The following SLFN12L variants were observed in gnomAD, a reference collection of about 807,000 sequenced individuals.
The protein encoded by SLFN12L is schlafen family member 12 like.
A neutral mutation model predicts 34.8 loss-of-function variants in SLFN12L; 34 were observed. The observed-to-expected ratio is 0.98, with a 90% CI of 0.74 to 1.30. The LOEUF is 1.30. Ranked by LOEUF, SLFN12L falls within the 50% of genes most tolerant of loss-of-function variation. SLFN12L has a pLI of 0.00. For synonymous variants in SLFN12L, 259 were observed against 247.5 expected (o/e 1.05, Z -0.44); for missense variants, 703 against 696.2 (o/e 1.01, Z -0.11).
At chr17:35,515,787 G>A (rs1234216104) in intron 2 of SLFN12L, among the ~76,000 whole-genome samples, 1 of 151,680 alleles carries the variant, frequency 6.6e-6, no homozygotes, top group Admixed American at 6.6e-5. Flanking sequence ...GGGATTACAG[G>A]AGCCCACCAC....
chr17:35,524,925 T>C (rs921866377), intron 1 of SLFN12L, among the ~76,000 whole-genome samples: 4 of 152,068 alleles, frequency 2.6e-5, no homozygotes, highest in Admixed American at 6.6e-5. Flanking sequence ...TAAAGGAGCA[T>C]GTTTTAACCC....
Position 35,478,116 on chromosome 17 carries a change from T to C in SLFN12L, c.1235A>G (p.Tyr412Cys). 6.5e-7 allele frequency: 1 copy of C among 1,545,470 alleles called. No homozygotes were observed. The highest frequency in any genetic ancestry group is 8.8e-7 in the Non-Finnish European group (1 of 1,141,948). The change falls in exon 4 of 5, where the codon TAT (tyrosine) becomes TGT (cysteine). Residue 412 changes from tyrosine to cysteine, a missense_variant. Tyr to Cys is a radical substitution (Grantham distance 194, BLOSUM62 -2). Transcript: ENST00000628453. ...CAGTGGCTGAATTTTGAAGTTAATA[T>C]ATTCACGAAGAGGATAACTCTGGGA... is the stretch of plus-strand genomic sequence containing the variant. The part of the protein sequence containing the change: ...PVSQSYPLRE[Y>C]INFKIQPLRY...
Position 35,522,589 on chromosome 17 carries a change from G to A in SLFN12L, c.-225C>T. On this transcript the variant is annotated 5_prime_UTR_variant, in exon 2 of 5. Transcript: ENST00000628453. Reference sequence around the variant, plus strand: ...GTGCTGGGTGCCTGCAAAACTATAGGACGCAGGGTAATCCATCGGAGACAC... The same window carrying A: ...GTGCTGGGTGCCTGCAAAACTATAGAACGCAGGGTAATCCATCGGAGACAC... The A allele has an allele frequency of 6.2e-7, 1 of 1,608,840 alleles. No homozygotes were observed. The highest frequency in any genetic ancestry group is 8.5e-7 in the Non-Finnish European group (1 of 1,177,674).
At chr17:35,507,871 A>C (rs753362657) in intron 2 of SLFN12L, among the ~76,000 whole-genome samples, 8 of 152,128 alleles carry the variant, frequency 5.3e-5, no homozygotes, top group Non-Finnish European at 8.8e-5. Flanking sequence ...GAAAGTGAGA[A>C]CTCCCACTAA....
chr17:35,519,105 A>G (rs577081878), intron 2 of SLFN12L, among the ~76,000 whole-genome samples: 1 of 152,280 alleles, frequency 6.6e-6, no homozygotes, highest in Non-Finnish European at 1.5e-5. Context: ...ACCAAACACC[A>G]CATGTTCTCA....
At chr17:35,531,883 C>T (rs1158876724) in intron 1 of SLFN12L, among the ~76,000 whole-genome samples, 4 of 152,042 alleles carry the variant, frequency 2.6e-5, no homozygotes, top group African/African-American at 9.7e-5. Flanking sequence ...GATCCACCCA[C>T]CTCGGCCTCC....
At chr17:35,493,528 A>G (rs1472024080) in intron 2 of SLFN12L, among the ~76,000 whole-genome samples, 1 of 152,198 alleles carries the variant, frequency 6.6e-6, no homozygotes, top group Non-Finnish European at 1.5e-5. Context: ...TGAAAGGAAT[A>G]CTAATAAGTC....
chr17:35,474,862 C>T lies in SLFN12L; in HGVS notation c.*61G>A, dbSNP rs906830942. The T allele has an allele frequency of 2.1e-6, 3 of 1,452,516 alleles. No individual in the cohort carries two copies. The highest frequency in any genetic ancestry group is 1.4e-5 in the African/African-American group (1 of 70,156). 90.0% of individuals were successfully genotyped at this position (1,452,516 alleles called of 1,614,324 possible). A position where few individuals can be genotyped will look rare whatever the true frequency, so the allele number is the denominator to read the frequency against. ...CAGGGAATTGCTTGAACCCAGGAGG[C>T]AGAGGTTGCAGTGAGTCGAGATCGT... is the stretch of plus-strand genomic sequence containing the variant. On this transcript the variant is annotated 3_prime_UTR_variant, in exon 5 of 5. Coordinates refer to ENST00000628453, the MANE Select transcript of SLFN12L (RefSeq NM_001363830.2).
chr17:35,490,130 C>T, intron 2 of SLFN12L: 1 of 1,606,120 alleles, frequency 6.2e-7, no homozygotes, highest in Non-Finnish European at 8.5e-7. Flanking sequence ...CGGCAACCTC[C>T]TCTACACCAC....
At chr17:35,534,317 G>A (rs910852629) in intron 1 of SLFN12L, among the ~76,000 whole-genome samples, 2 of 151,832 alleles carry the variant, frequency 1.3e-5, no homozygotes, top group African/African-American at 2.4e-5. Flanking sequence ...AGCTGAGATC[G>A]TCCCACTGCA....
At chr17:35,494,589 A>T (rs1336074059) in intron 2 of SLFN12L, among the ~76,000 whole-genome samples, 3 of 152,238 alleles carry the variant, frequency 2.0e-5, no homozygotes, top group African/African-American at 7.2e-5. Context: ...CTGAAAAACA[A>T]TAAATCTCTA....
chr17:35,483,630 A>G (rs764165837), intron 2 of SLFN12L, among the ~76,000 whole-genome samples: 24 of 152,192 alleles, frequency 1.6e-4, no homozygotes, highest in Non-Finnish European at 1.5e-4. Flanking sequence ...ACAGACTAAG[A>G]CAGTGTGCTT....
chr17:35,493,826 T>C (rs1231295536), intron 2 of SLFN12L, among the ~76,000 whole-genome samples: 1 of 152,268 alleles, frequency 6.6e-6, no homozygotes, highest in Non-Finnish European at 1.5e-5. Flanking sequence ...GCAATTAATT[T>C]GTAAACACTA....
intron 2 of SLFN12L, among the ~76,000 whole-genome samples, chr17:35,516,025 C>T (rs147618120): frequency 2.4e-4 from 36 of 151,794 alleles, no homozygotes; most frequent in African/African-American, 8.4e-4. Context: ...TTCTTAGAGA[C>T]CCCCTCTACT....
intron 2 of SLFN12L, among the ~76,000 whole-genome samples, chr17:35,510,978 T>G (rs998091662): frequency 6.6e-6 from 1 of 152,172 alleles, no homozygotes; most frequent in African/African-American, 2.4e-5. Flanking sequence ...CTCAAACTGT[T>G]GAGAGAGAGA....
In SLFN12L at chr17:35,479,333, G is replaced by A. The variant is rs1232097405; in HGVS notation, c.949C>T (p.His317Tyr). Reference sequence around the variant, plus strand: ...ATCGTCCCCTTCTCCACACAGAAGTGATGCACAGGCAGTTTCCCAATGGAA... The same window carrying A: ...ATCGTCCCCTTCTCCACACAGAAGTAATGCACAGGCAGTTTCCCAATGGAA... Reference protein sequence around the residue: ...KNSIGKLPVHHFCVEKGTINY... With the variant: ...KNSIGKLPVHYFCVEKGTINY... Residue 317 changes from histidine to tyrosine, a missense_variant, in exon 3 of 5, where the codon CAC becomes TAC. His to Tyr is a moderately conservative substitution (Grantham distance 83). Coordinates refer to ENST00000628453, the MANE Select transcript of SLFN12L (RefSeq NM_001363830.2). 6.3e-7 allele frequency: 1 copy of A among 1,588,232 alleles called. No individual in the cohort carries two copies. The highest frequency in any genetic ancestry group is 8.6e-7 in the Non-Finnish European group (1 of 1,165,718).
chr17:35,476,687 A>C (rs893475738), intron 4 of SLFN12L, among the ~76,000 whole-genome samples: 1 of 152,178 alleles, frequency 6.6e-6, no homozygotes, highest in Non-Finnish European at 1.5e-5. Flanking sequence ...CAGAAGAGCC[A>C]TGACCTAGTA....
rs1913815116 is a variant in SLFN12L, at chr17:35,471,881, C to A, written c.*3042G>T. Among the ~76,000 whole-genome samples, 1 of 151,966 alleles carries A rather than the reference C, an allele frequency of 6.6e-6. No homozygotes were observed. The highest frequency in any genetic ancestry group is 1.5e-5 in the Non-Finnish European group (1 of 68,006). On this transcript the variant is annotated 3_prime_UTR_variant, in exon 5 of 5. Coordinates refer to ENST00000628453, the MANE Select transcript of SLFN12L (RefSeq NM_001363830.2). The stretch of plus-strand genomic sequence containing the variant: ...TGTCTTCTTTTGAGAAATGTCTATT[C>A]ATATCCTTTATCCACTTTTCAATGG...
rs928492319 is a variant in SLFN12L, at chr17:35,475,338, A to G, written c.1424T>C (p.Leu475Pro). 1 of 1,614,126 alleles carries G rather than the reference A, an allele frequency of 6.2e-7. No individual in the cohort carries two copies. Among genetic ancestry groups the G allele is most frequent in the African/African-American group, 1.3e-5 (1 of 74,942 alleles). ...GACTTTGTGGTTCTCTTGCAAGCCC[A>G]GATCCAAAGACCAGCTCCTAGAGAA... ...LIFSRSWSLD[L>P]GLQENHKVLC... Residue 475 changes from leucine to proline, a missense_variant, in exon 5 of 5, where the codon CTG becomes CCG. Physicochemically the swap from Leu to Pro is moderately conservative, Grantham distance 98. Coordinates refer to ENST00000628453, the MANE Select transcript of SLFN12L (RefSeq NM_001363830.2).
Sources: gnomAD v4.1 joint callset for allele counts (sites outside exome capture counted in the v4.1 genomes callset) on GRCh38, gnomAD v4.1.1 for gene constraint, MANE v1.5 for transcripts, NCBI Gene and HGNC (gene_info 2026-07-23, HGNC 2026-07-21) for gene names.